CTBP2: variants seen among roughly 807,000 people sequenced by gnomAD.
CTBP2 encodes the protein C-terminal-binding protein 2.
In CTBP2, 30 loss-of-function variants were observed where a neutral mutation model predicts 80.3. The observed-to-expected ratio is 0.37, with a 90% CI of 0.28 to 0.51. The LOEUF is 0.51. CTBP2 is among the 20% of genes least tolerant of loss of function. CTBP2 has a pLI of 0.93. For synonymous variants in CTBP2, 594 were observed against 587.4 expected, an observed-to-expected ratio of 1.01 and a Z score of -0.16; for missense variants, 1,212 against 1,375.3, an observed-to-expected ratio of 0.88 and a Z score of 1.88.
At chr10:125,113,876 C>T (rs1014127265) in intron 1 of CTBP2, among the ~76,000 whole-genome samples, 3 of 152,058 alleles carry the variant, frequency 2.0e-5, no homozygotes, top group African/African-American at 7.2e-5. Flanking sequence ...TCCCAGTGAA[C>T]GGCGACAGCT....
intron 2 of CTBP2, among the ~76,000 whole-genome samples, chr10:125,099,877 T>A (rs1049019133): frequency 1.3e-5 from 2 of 151,998 alleles, no homozygotes; most frequent in African/African-American, 4.8e-5. Flanking sequence ...ACCAACACAA[T>A]CCCAGCACAC....
intron 1 of CTBP2, among the ~76,000 whole-genome samples, chr10:125,114,329 C>T (rs115946753): frequency 0.015 from 2,317 of 152,178 alleles, 14 homozygotes; most frequent in Non-Finnish European, 0.024. Context: ...AAACATCCCG[C>T]GGCAAATGTG....
At chr10:125,081,917 G>A (rs1165537855) in intron 2 of CTBP2, among the ~76,000 whole-genome samples, 1 of 151,854 alleles carries the variant, frequency 6.6e-6, no homozygotes. Flanking sequence ...TGCAGAGGAA[G>A]TGGCCACCGA....
intron 2 of CTBP2, among the ~76,000 whole-genome samples, chr10:125,041,377 C>T (rs1959696120): frequency 6.6e-6 from 1 of 151,998 alleles, no homozygotes; most frequent in Non-Finnish European, 1.5e-5. Context: ...GCCACTGCGC[C>T]TAGCCAGTGC....
At chr10:125,135,046 G>A (rs370746029) in intron 1 of CTBP2, among the ~76,000 whole-genome samples, 4 of 152,194 alleles carry the variant, frequency 2.6e-5, no homozygotes, top group African/African-American at 9.7e-5. Flanking sequence ...GCTACATTGT[G>A]CATGGATGCC....
chr10:125,073,438 T>C (rs144045058), intron 2 of CTBP2, among the ~76,000 whole-genome samples: 3,398 of 152,322 alleles, frequency 0.022, 112 homozygotes, highest in African/African-American at 0.077. Flanking sequence ...GAGACAGGGC[T>C]TCACCATGTT....
rs753746171 is a variant in CTBP2 at position 124,989,499 on chromosome 10, T to A, written c.*19A>T. ...TTGGTCCCAAGTGTATCTGAGTGATTACCTTCTGGCATTCTCTGCTATTGC... is the reference window on the plus strand; with the variant it reads ...TTGGTCCCAAGTGTATCTGAGTGATAACCTTCTGGCATTCTCTGCTATTGC... On this transcript the variant is annotated 3_prime_UTR_variant, in exon 9 of 9. Coordinates refer to ENST00000309035, the MANE Select transcript of CTBP2 (RefSeq NM_022802.3). 66 of 1,609,862 alleles carry A rather than the reference T, an allele frequency of 4.1e-5. No homozygotes were observed. The highest frequency in any genetic ancestry group is 5.3e-5 in the African/African-American group (4 of 74,826).
rs1012876217 is a variant in CTBP2 at position 124,987,216 on chromosome 10, G to T, written c.*2302C>A. 3 of 152,510 alleles carry T rather than the reference G, an allele frequency of 2.0e-5. No individual in the cohort carries two copies. Among genetic ancestry groups the T allele is most frequent in the African/African-American group, 7.2e-5 (3 of 41,392 alleles). 9.4% of individuals were successfully genotyped at this position (152,510 alleles called of 1,614,324 possible). A position where few individuals can be genotyped will look rare whatever the true frequency, so the allele number is the denominator to read the frequency against. ...AGATAGAATATAGTCCTTTTTCAAA[G>T]ATGATTATACGTGGCTAGGTGACAG... is the stretch of plus-strand genomic sequence containing the variant. On this transcript the variant is annotated 3_prime_UTR_variant, in exon 9 of 9. Coordinates refer to ENST00000309035, the MANE Select transcript of CTBP2 (RefSeq NM_022802.3).
intron 3 of CTBP2, among the ~76,000 whole-genome samples, chr10:125,038,428 C>T (rs1016236070): frequency 6.6e-6 from 1 of 152,168 alleles, no homozygotes; most frequent in Non-Finnish European, 1.5e-5. Flanking sequence ...TCTTACCACC[C>T]GCTAGCTGGA....
rs766370037 is a variant in CTBP2, at chr10:125,026,149, C to CGGTG, written c.1607_1610dup (p.Tyr538ThrfsTer65). 1 of 1,606,506 alleles carries CGGTG rather than the reference C, an allele frequency of 6.2e-7. No homozygotes were observed. Among genetic ancestry groups the CGGTG allele is most frequent in the Admixed American group, 1.7e-5 (1 of 59,744 alleles). Reference sequence around the variant, plus strand: ...CTGTGCGCCGGGCCACCTTCTGGTACGGTGAGTGAGGCGTGTGGAGGCTCT... The same window carrying CGGTG: ...CTGTGCGCCGGGCCACCTTCTGGTACGGTGGGTGAGTGAGGCGTGTGGAGGCTCT... On this transcript the variant is annotated frameshift_variant, in exon 1 of 9. Coordinates refer to ENST00000309035, the MANE Select transcript of CTBP2 (RefSeq NM_022802.3). LOFTEE classifies it high-confidence loss of function.
chr10:125,128,192 C>A (rs1168148917), intron 1 of CTBP2, among the ~76,000 whole-genome samples: 2 of 152,156 alleles, frequency 1.3e-5, no homozygotes, highest in Non-Finnish European at 2.9e-5. Context: ...CACACGGAAG[C>A]AAACTAGGAC....
intron 1 of CTBP2, among the ~76,000 whole-genome samples, chr10:125,006,569 A>G (rs1177091764): frequency 6.6e-6 from 1 of 152,220 alleles, no homozygotes; most frequent in African/African-American, 2.4e-5. Context: ...CCTGGGGCAG[A>G]GGTTTCTGGA....
chr10:125,006,633 C>T (rs1032013172), intron 1 of CTBP2, among the ~76,000 whole-genome samples: 2 of 152,240 alleles, frequency 1.3e-5, no homozygotes, highest in Non-Finnish European at 2.9e-5. Flanking sequence ...ACAGATCCCC[C>T]ATCTTACCTC....
At chr10:125,054,834 C>T (rs1281375650) in intron 2 of CTBP2, among the ~76,000 whole-genome samples, 1 of 152,214 alleles carries the variant, frequency 6.6e-6, no homozygotes, top group Admixed American at 6.5e-5. Flanking sequence ...CCCAGACTGA[C>T]ATGAGGTCTG....
intron 1 of CTBP2, among the ~76,000 whole-genome samples, chr10:125,130,155 C>G (rs547156488): frequency 1.3e-5 from 2 of 151,754 alleles, no homozygotes; most frequent in South Asian, 4.2e-4. Flanking sequence ...TCAAGTGATT[C>G]TCCTGCCTCA....
chr10:125,040,599 T>C (rs11592755), intron 2 of CTBP2, among the ~76,000 whole-genome samples: 18 of 146,080 alleles, frequency 1.2e-4, no homozygotes, highest in African/African-American at 2.3e-4. Flanking sequence ...CACAACCACA[T>C]ACACACACAC....
intron 2 of CTBP2, among the ~76,000 whole-genome samples, chr10:125,045,283 G>A (rs145023097): frequency 1.3e-5 from 2 of 152,186 alleles, no homozygotes; most frequent in Non-Finnish European, 1.5e-5. Context: ...CCAGAGCTGT[G>A]AGAAATAAAG....
chr10:125,150,153 G>C (rs1278089194), intron 1 of CTBP2, among the ~76,000 whole-genome samples: 1 of 152,228 alleles, frequency 6.6e-6, no homozygotes, highest in East Asian at 1.9e-4. Flanking sequence ...GGCTCCAGTT[G>C]AATGCCAGAG....
At chr10:125,093,039 G>A (rs1442122449) in intron 2 of CTBP2, among the ~76,000 whole-genome samples, 1 of 152,120 alleles carries the variant, frequency 6.6e-6, no homozygotes, top group South Asian at 2.1e-4. Context: ...AGTGCCCAGC[G>A]ACTCCAGACC....
Sources: gnomAD v4.1 joint callset for allele counts (sites outside exome capture counted in the v4.1 genomes callset) on GRCh38, gnomAD v4.1.1 for gene constraint, MANE v1.5 for transcripts, NCBI Gene and HGNC (gene_info 2026-07-23, HGNC 2026-07-21) for gene names.